DLGAP1: variants seen among roughly 807,000 people sequenced by gnomAD.
DLGAP1 encodes the protein DLG associated protein 1, also known as disks large-associated protein 1.
Under a neutral mutation model 90.8 loss-of-function variants are expected in DLGAP1, and 11 were observed. The ratio of observed to expected loss-of-function variants is 0.12; its 90% CI spans 0.08 to 0.20. The LOEUF is 0.20. DLGAP1 is among the 10% of genes least tolerant of loss of function. The probability of loss-of-function intolerance (pLI) is 1.00; values close to 1 mark genes in which losing one functional copy is unlikely to be tolerated. For synonymous variants in DLGAP1, 558 were observed against 540.7 expected (o/e 1.03, Z -0.44); for missense variants, 1,050 against 1,333.8 (o/e 0.79, Z 3.31).
chr18:4,174,068 C>T (rs1343896038), intron 1 of DLGAP1, among the ~76,000 whole-genome samples: 1 of 152,160 alleles, frequency 6.6e-6, no homozygotes, highest in African/African-American at 2.4e-5. Context: ...TTCACTCAAC[C>T]TCCACCCTCT....
chr18:4,151,720 T>C (rs890473156), intron 1 of DLGAP1, among the ~76,000 whole-genome samples: 1 of 152,238 alleles, frequency 6.6e-6, no homozygotes, highest in African/African-American at 2.4e-5. Context: ...ATCATTTTTT[T>C]CCAGAGTGGT....
intron 1 of DLGAP1, among the ~76,000 whole-genome samples, chr18:4,245,217 T>G (rs2078628841): frequency 6.6e-6 from 1 of 152,212 alleles, no homozygotes; most frequent in Non-Finnish European, 1.5e-5. Flanking sequence ...ATGAGGGGTA[T>G]TATCAGTATA....
chr18:4,405,632 GA>G (rs2082646353), intron 1 of DLGAP1, among the ~76,000 whole-genome samples: 1 of 152,064 alleles, frequency 6.6e-6, no homozygotes, highest in African/African-American at 2.4e-5. Flanking sequence ...TTGTTCTGAA[GA>G]TTGACATTTT....
At chr18:3,597,440 G>A in intron 7 of DLGAP1, 1 of 358,154 alleles carries the variant, frequency 2.8e-6, no homozygotes, top group Non-Finnish European at 5.4e-6. Context: ...TGCACTTATT[G>A]CCAATTCTTG....
intron 3 of DLGAP1, among the ~76,000 whole-genome samples, chr18:3,986,879 G>A (rs536550713): frequency 8.5e-5 from 13 of 152,088 alleles, no homozygotes; most frequent in Admixed American, 1.3e-4. Context: ...TGAGCTCCCC[G>A]GATACTGGAC....
At chr18:4,110,578 T>C (rs1409221128) in intron 2 of DLGAP1, among the ~76,000 whole-genome samples, 1 of 152,168 alleles carries the variant, frequency 6.6e-6, no homozygotes, top group Admixed American at 6.5e-5. Flanking sequence ...TTTCAGTCAA[T>C]TGTTTAGAGC....
At chr18:3,686,849 T>C (rs780095698) in intron 7 of DLGAP1, among the ~76,000 whole-genome samples, 4 of 152,184 alleles carry the variant, frequency 2.6e-5, no homozygotes, top group Admixed American at 6.5e-5. Context: ...CTGGAACCTA[T>C]AAATATTATC....
chr18:4,146,948 G>A (rs2076594968), intron 2 of DLGAP1, among the ~76,000 whole-genome samples: 1 of 152,090 alleles, frequency 6.6e-6, no homozygotes, highest in African/African-American at 2.4e-5. Flanking sequence ...TCAAAGAGTA[G>A]GCAGAAAACA....
At chr18:3,923,519 T>C (rs983710887) in intron 3 of DLGAP1, among the ~76,000 whole-genome samples, 2 of 152,232 alleles carry the variant, frequency 1.3e-5, no homozygotes, top group African/African-American at 4.8e-5. Context: ...ATTTTTCCAG[T>C]TTAATGTCTT....
intron 5 of DLGAP1, among the ~76,000 whole-genome samples, chr18:3,764,513 G>A (rs2064125233): frequency 6.6e-6 from 1 of 152,172 alleles, no homozygotes; most frequent in Non-Finnish European, 1.5e-5. Context: ...TCACATTCCT[G>A]TGATGTACCT....
At chr18:4,354,943 C>A (rs1390320017) in intron 1 of DLGAP1, among the ~76,000 whole-genome samples, 1 of 94,202 alleles carries the variant, frequency 1.1e-5, no homozygotes, top group South Asian at 4.0e-4. Context: ...ACACACACAT[C>A]AGAATGGCTA....
At chr18:3,618,768 C>T (rs1359138051) in intron 7 of DLGAP1, among the ~76,000 whole-genome samples, 1 of 149,066 alleles carries the variant, frequency 6.7e-6, no homozygotes, top group African/African-American at 2.5e-5. Context: ...GAAACCCCGT[C>T]TCTACTAAAA....
chr18:4,374,064 C>T (rs2081969305), intron 1 of DLGAP1, among the ~76,000 whole-genome samples: 1 of 152,016 alleles, frequency 6.6e-6, no homozygotes, highest in Non-Finnish European at 1.5e-5. Context: ...TCTGGGAAAA[C>T]TAATCACAGA....
rs1452347511 is a variant in DLGAP1 at position 3,672,513 on chromosome 18, G to A, written c.1591+56622C>T. 6.4e-5 allele frequency among the ~76,000 whole-genome samples: 9 copies of A among 140,080 alleles called. No homozygotes were observed. In the South Asian group the frequency reaches 2.1e-3, roughly 33 times the overall value. The allele number at this position is 140,080 out of a possible 152,430, so 91.9% of individuals were successfully genotyped here. A position where few individuals can be genotyped will look rare whatever the true frequency, so the allele number is the denominator to read the frequency against. ...AATCGCTTGAACCTGGGAGGCAGAG[G>A]TTGCGGTGAGCCAAGATCTCGCCAT... On this transcript the variant is annotated intron_variant, in intron 7 of 12. Coordinates refer to ENST00000315677, the MANE Select transcript of DLGAP1 (RefSeq NM_004746.4).
At chr18:4,399,272 T>C (rs145950799) in intron 1 of DLGAP1, among the ~76,000 whole-genome samples, 1 of 152,392 alleles carries the variant, frequency 6.6e-6, no homozygotes, top group African/African-American at 2.4e-5. Context: ...ATTATCTTTT[T>C]TTACACTGGA....
intron 1 of DLGAP1, among the ~76,000 whole-genome samples, chr18:4,204,241 C>T (rs993697996): frequency 1.3e-5 from 2 of 152,176 alleles, no homozygotes; most frequent in African/African-American, 4.8e-5. Flanking sequence ...AGATAATCTT[C>T]TTTTTAAAAA....
Position 3,499,272 on chromosome 18 carries a change from C to T in DLGAP1, c.2847G>A (p.Lys949=). The T allele has an allele frequency of 6.2e-7, 1 of 1,600,174 alleles. No individual in the cohort carries two copies. Among genetic ancestry groups the T allele is most frequent in the African/African-American group, 1.3e-5 (1 of 74,404 alleles). ...AGTTCTGGCGGACGGACGCGGCGCG[C>T]TTGGCGGCCATCAGGCGCTTGCGGG... ...QEARKRLMAA[K]RAASVRQNSA... is the part of the protein sequence containing the mutation. Residue 949 remains lysine, a synonymous_variant, in exon 13 of 13, where the codon AAG becomes AAA. Transcript: ENST00000315677. This position sits in a 1 kb window ranked among gnomAD's most constrained non-coding sequence, Gnocchi z 6.4.
chr18:3,597,173 C>T (rs1398997661), intron 7 of DLGAP1: 1 of 519,506 alleles, frequency 1.9e-6, no homozygotes, highest in Non-Finnish European at 3.8e-6. Context: ...TGTTTGCACA[C>T]AGATGGATAT....
At chr18:3,886,502 A>G (rs959948601) in intron 3 of DLGAP1, among the ~76,000 whole-genome samples, 2 of 151,880 alleles carry the variant, frequency 1.3e-5, no homozygotes, top group African/African-American at 4.8e-5. Context: ...GTGCTATCAA[A>G]TACTAGATCT....
Sources: gnomAD v4.1 joint callset for allele counts (sites outside exome capture counted in the v4.1 genomes callset) on GRCh38, gnomAD v4.1.1 for gene constraint, Gnocchi (gnomAD v3.1) non-coding constraint, MANE v1.5 for transcripts, NCBI Gene and HGNC (gene_info 2026-07-23, HGNC 2026-07-21) for gene names.